Variants in CTNNA2 observed in about 807,000 individuals in gnomAD.
CTNNA2 encodes the protein catenin alpha 2.
In CTNNA2, 42 loss-of-function variants were observed where a neutral mutation model predicts 101.0. The ratio of observed to expected loss-of-function variants is 0.42; its 90% CI spans 0.32 to 0.54. The LOEUF is 0.54. CTNNA2 is among the 20% of genes least tolerant of loss of function. The pLI is 0.14. For missense variants in CTNNA2, 871 were observed against 1,223.1 expected (o/e 0.71, Z 4.29); for synonymous variants, 450 against 456.4 (o/e 0.99, Z 0.18).
intron 2 of CTNNA2, among the ~76,000 whole-genome samples, chr2:79,311,434 G>A (rs778819769): frequency 8.8e-5 from 12 of 136,958 alleles, no homozygotes; most frequent in Non-Finnish European, 1.6e-4. Flanking sequence ...AAAAAAAGAG[G>A]TGATTAACTT....
intron 7 of CTNNA2, among the ~76,000 whole-genome samples, chr2:80,179,355 T>G (rs1049856465): frequency 6.6e-6 from 1 of 152,092 alleles, no homozygotes; most frequent in Non-Finnish European, 1.5e-5. Context: ...ACCACCTCCA[T>G]GTCTTTCAAG....
At chr2:79,675,307 T>C (rs1199307953) in intron 2 of CTNNA2, among the ~76,000 whole-genome samples, 1 of 152,228 alleles carries the variant, frequency 6.6e-6, no homozygotes, top group Non-Finnish European at 1.5e-5. Context: ...AAACCCATAT[T>C]ACCTAATTTT....
intron 1 of CTNNA2, among the ~76,000 whole-genome samples, chr2:79,608,862 A>G (rs947632253): frequency 6.6e-6 from 1 of 151,930 alleles, no homozygotes; most frequent in Non-Finnish European, 1.5e-5. Flanking sequence ...GTAGATGTCC[A>G]CTCTCCTTGA....
At chr2:80,136,759 G>C (rs942615607) in intron 7 of CTNNA2, among the ~76,000 whole-genome samples, 1 of 152,016 alleles carries the variant, frequency 6.6e-6, no homozygotes, top group Non-Finnish European at 1.5e-5. Flanking sequence ...TGATTAAATT[G>C]TACATTGGCC....
At chr2:80,091,233 T>C (rs756803188) in intron 7 of CTNNA2, among the ~76,000 whole-genome samples, 12 of 152,114 alleles carry the variant, frequency 7.9e-5, no homozygotes, top group Non-Finnish European at 1.6e-4. Context: ...ATAAGCACTT[T>C]TGCAGCTAAG....
At chr2:80,377,015 T>C (rs1676019850) in intron 7 of CTNNA2, among the ~76,000 whole-genome samples, 1 of 152,190 alleles carries the variant, frequency 6.6e-6, no homozygotes, top group Non-Finnish European at 1.5e-5. Flanking sequence ...GCTACCACGG[T>C]TGTCAGAGCT....
At chr2:80,505,169 C>T (rs902658386) in intron 9 of CTNNA2, among the ~76,000 whole-genome samples, 2 of 152,206 alleles carry the variant, frequency 1.3e-5, no homozygotes, top group Non-Finnish European at 1.5e-5. Context: ...ATAAAGGGAA[C>T]ATCAGGGTTG....
At chr2:80,645,183 C>G (rs1320891684) in intron 18 of CTNNA2, among the ~76,000 whole-genome samples, 1 of 152,158 alleles carries the variant, frequency 6.6e-6, no homozygotes, top group Non-Finnish European at 1.5e-5. Flanking sequence ...ATAGAATTAA[C>G]TAATTTTATG....
At chr2:80,112,805 T>G (rs1318754481) in intron 7 of CTNNA2, among the ~76,000 whole-genome samples, 2 of 152,212 alleles carry the variant, frequency 1.3e-5, no homozygotes, top group African/African-American at 4.8e-5. Context: ...AAAGAAAACA[T>G]AATTATGAAG....
At chr2:79,311,509 T>A (rs532593585) in intron 2 of CTNNA2, among the ~76,000 whole-genome samples, 43 of 151,928 alleles carry the variant, frequency 2.8e-4, no homozygotes, top group African/African-American at 6.3e-4. Context: ...TTGGTCAGAA[T>A]GTGAAATAGT....
At chr2:80,436,329 A>G (rs1682024132) in intron 9 of CTNNA2, among the ~76,000 whole-genome samples, 1 of 152,050 alleles carries the variant, frequency 6.6e-6, no homozygotes. Flanking sequence ...TTGGAAATAT[A>G]GACTCTTGGG....
intron 17 of CTNNA2, among the ~76,000 whole-genome samples, chr2:80,608,894 G>C (rs216667): frequency 0.23 from 34,200 of 151,752 alleles, 5,458 homozygotes; most frequent in African/African-American, 0.46. Flanking sequence ...CTCAATCACT[G>C]CAGTGTTTCC....
rs137931179 is a variant in CTNNA2 at position 79,545,154 on chromosome 2, T to A, written c.-6+31947T>A. 1.8e-4 allele frequency among the ~76,000 whole-genome samples: 27 copies of A among 152,310 alleles called. No homozygotes were observed. In the East Asian group the frequency reaches 4.8e-3, roughly 27 times the overall value. ...CTTTTTTAGTAATACAACTCCTGAA[T>A]TGGACATAGTGCAATACATGTCCCA... On this transcript the variant is annotated intron_variant, in intron 1 of 18. Coordinates refer to ENST00000402739, the MANE Select transcript of CTNNA2 (RefSeq NM_001282597.3).
chr2:80,252,706 G>T (rs1448565111), intron 7 of CTNNA2, among the ~76,000 whole-genome samples: 1 of 152,146 alleles, frequency 6.6e-6, no homozygotes, highest in African/African-American at 2.4e-5. Flanking sequence ...ATATGTCCTA[G>T]GTGCTTTTTA....
chr2:79,369,967 A>G (rs1677834519), intron 3 of CTNNA2, among the ~76,000 whole-genome samples: 1 of 152,198 alleles, frequency 6.6e-6, no homozygotes, highest in Non-Finnish European at 1.5e-5. Flanking sequence ...ATACTTGAGA[A>G]AAAGATCCAG....
intron 2 of CTNNA2, among the ~76,000 whole-genome samples, chr2:79,304,648 G>T (rs950675906): frequency 1.3e-5 from 2 of 152,138 alleles, no homozygotes; most frequent in Non-Finnish European, 2.9e-5. Flanking sequence ...AAAATACATG[G>T]CACTATTGTA....
intron 7 of CTNNA2, among the ~76,000 whole-genome samples, chr2:80,237,068 A>T (rs535523918): frequency 1.3e-5 from 2 of 152,176 alleles, no homozygotes; most frequent in Non-Finnish European, 2.9e-5. Flanking sequence ...AATTTCAAGG[A>T]TCCCTTCCCA....
chr2:79,979,839 G>A (rs1399550531), intron 7 of CTNNA2, among the ~76,000 whole-genome samples: 1 of 152,146 alleles, frequency 6.6e-6, no homozygotes, highest in Admixed American at 6.6e-5. Flanking sequence ...TGCAGAGAAA[G>A]GAGCTTGGCT....
intron 8 of CTNNA2, among the ~76,000 whole-genome samples, chr2:80,399,202 C>T (rs986922572): frequency 5.3e-5 from 8 of 151,762 alleles, no homozygotes; most frequent in Admixed American, 1.3e-4. Context: ...AGTACAGTCA[C>T]GCTACCTCTA....
Sources: gnomAD v4.1 joint callset for allele counts (sites outside exome capture counted in the v4.1 genomes callset) on GRCh38, gnomAD v4.1.1 for gene constraint, MANE v1.5 for transcripts, NCBI Gene and HGNC (gene_info 2026-07-23, HGNC 2026-07-21) for gene names.